KIAA1328: variants seen among roughly 807,000 people sequenced by gnomAD.
KIAA1328 encodes protein hinderin.
Under a neutral mutation model 68.1 loss-of-function variants are expected in KIAA1328, and 52 were observed. That is an observed-to-expected ratio of 0.76 (90% CI 0.61 to 0.96). The LOEUF is 0.96. Among genes scored for constraint, KIAA1328 ranks in the 40% least tolerant of loss-of-function variants. KIAA1328 has a pLI of 0.00. For missense variants in KIAA1328, 641 were observed against 677.6 expected (o/e 0.95, Z 0.60); for synonymous variants, 232 against 239.4 (o/e 0.97, Z 0.28).
chr18:37,105,916 C>CAAAAAAAAAAAAAAAAAAAAAAAA (rs58940699), intron 7 of KIAA1328, among the ~76,000 whole-genome samples: 4 of 19,504 alleles, frequency 2.1e-4, no homozygotes, highest in African/African-American at 4.7e-4. Context: ...GACTCTGTGT[C>CAAAAAAAAAAAAAAAAAAAAAAAA]AAAAAAAAAA....
At chr18:36,838,019 C>T (rs1036013439) in intron 3 of KIAA1328, among the ~76,000 whole-genome samples, 1 of 152,068 alleles carries the variant, frequency 6.6e-6, no homozygotes, top group Non-Finnish European at 1.5e-5. Flanking sequence ...TATTTTGGGT[C>T]CCAGTGTTTC....
chr18:36,946,328 G>GTAT (rs1453656493), intron 5 of KIAA1328: 1 of 152,144 alleles, frequency 6.6e-6, no homozygotes, highest in Non-Finnish European at 1.5e-5. Context: ...GTCCAATAAT[G>GTAT]TATTACATTT....
At chr18:36,887,675 C>T (rs886985038) in intron 5 of KIAA1328, among the ~76,000 whole-genome samples, 1 of 152,060 alleles carries the variant, frequency 6.6e-6, no homozygotes, top group Non-Finnish European at 1.5e-5. Context: ...GCAAAGGAGG[C>T]TAAGAAAGTG....
chr18:37,148,710 C>A (rs535960043), intron 7 of KIAA1328, among the ~76,000 whole-genome samples: 4 of 152,156 alleles, frequency 2.6e-5, no homozygotes, highest in Non-Finnish European at 5.9e-5. Flanking sequence ...TTGCATTTAT[C>A]TAATGATCAG....
At chr18:36,923,532 T>G (rs1488297570) in intron 5 of KIAA1328, among the ~76,000 whole-genome samples, 1 of 152,170 alleles carries the variant, frequency 6.6e-6, no homozygotes, top group Non-Finnish European at 1.5e-5. Flanking sequence ...ACATATAAGC[T>G]TTACAATTTA....
intron 7 of KIAA1328, among the ~76,000 whole-genome samples, chr18:37,079,989 T>A (rs1159839947): frequency 6.6e-6 from 1 of 152,234 alleles, no homozygotes; most frequent in Non-Finnish European, 1.5e-5. Flanking sequence ...AGTTATATTT[T>A]ATTATTTTTA....
intron 6 of KIAA1328, among the ~76,000 whole-genome samples, chr18:37,043,220 A>G (rs913486066): frequency 5.9e-5 from 9 of 152,136 alleles, no homozygotes; most frequent in Non-Finnish European, 1.0e-4. Flanking sequence ...GTTTTTCTTT[A>G]CAAGTCCAAT....
chr18:36,876,151 G>A (rs1490575730), intron 4 of KIAA1328, among the ~76,000 whole-genome samples: 6 of 152,126 alleles, frequency 3.9e-5, no homozygotes, highest in East Asian at 1.9e-4. Flanking sequence ...TCTCTGCCAG[G>A]TTTTGGTATC....
intron 5 of KIAA1328, among the ~76,000 whole-genome samples, chr18:36,951,105 A>G (rs896439679): frequency 1.3e-5 from 2 of 152,094 alleles, no homozygotes; most frequent in African/African-American, 4.8e-5. Flanking sequence ...TTGTTGTTAC[A>G]TTGGCCTCCT....
intron 7 of KIAA1328, among the ~76,000 whole-genome samples, chr18:37,080,306 C>G (rs915287490): frequency 6.6e-6 from 1 of 152,210 alleles, no homozygotes; most frequent in Non-Finnish European, 1.5e-5. Flanking sequence ...ACAATGCAAC[C>G]TTTGGGTTAG....
At chr18:36,911,792 C>T (rs190178819) in intron 5 of KIAA1328, among the ~76,000 whole-genome samples, 5 of 152,254 alleles carry the variant, frequency 3.3e-5, no homozygotes, top group Admixed American at 6.5e-5. Flanking sequence ...GTAACAGCTT[C>T]GACCTTATAC....
rs1556808324 is a variant in KIAA1328 at position 36,883,956 on chromosome 18, A to ATATATATATATATATG, written c.333-1587_333-1586insTGTATATATATATATA. Among the ~76,000 whole-genome samples the ATATATATATATATATG allele has an allele frequency of 5.2e-4, 62 of 119,788 alleles. 2 individuals carry two copies. The highest frequency in any genetic ancestry group is 1.6e-3 in the African/African-American group (59 of 37,262). The allele number at this position is 119,788 out of a possible 152,430, so 78.6% of individuals were successfully genotyped here. ...AATGCTTTCCATATTTATAAAGTAT[A>ATATATATATATATATG]TATATATATATATACACACACAGTG... is the stretch of plus-strand genomic sequence containing the variant. On this transcript the variant is annotated intron_variant, in intron 4 of 9. Coordinates refer to ENST00000280020, the MANE Select transcript of KIAA1328 (RefSeq NM_020776.3).
At chr18:37,009,818 C>T (rs946469349) in intron 6 of KIAA1328, among the ~76,000 whole-genome samples, 1 of 152,006 alleles carries the variant, frequency 6.6e-6, no homozygotes, top group African/African-American at 2.4e-5. Context: ...TGAAATAGCC[C>T]CAGATTTTGT....
rs554071988 is a variant in KIAA1328, at chr18:36,932,958, C to T, written c.449-26350C>T. Reference sequence around the variant, plus strand: ...AGCGGACACAAATACAAAAGGATGACGTTTTTTGAAAGTTAGTGTTCTTTA... The same window carrying T: ...AGCGGACACAAATACAAAAGGATGATGTTTTTTGAAAGTTAGTGTTCTTTA... On this transcript the variant is annotated intron_variant, in intron 5 of 9. Transcript: ENST00000280020. Among the ~76,000 whole-genome samples the T allele has an allele frequency of 3.9e-4, 60 of 152,220 alleles. 1 individual carries two copies. The highest frequency in any genetic ancestry group is 2.8e-3 in the Admixed American group (43 of 15,298).
intron 9 of KIAA1328, among the ~76,000 whole-genome samples, chr18:37,198,661 T>C (rs1196940224): frequency 6.6e-6 from 1 of 152,222 alleles, no homozygotes; most frequent in Non-Finnish European, 1.5e-5. Context: ...AGAAAGTGGT[T>C]GCCCTTATCT....
At chr18:36,923,438 A>T (rs1015777779) in intron 5 of KIAA1328, among the ~76,000 whole-genome samples, 1 of 152,176 alleles carries the variant, frequency 6.6e-6, no homozygotes, top group African/African-American at 2.4e-5. Context: ...GAGAAGACAA[A>T]TTACCAAATT....
intron 9 of KIAA1328, among the ~76,000 whole-genome samples, chr18:37,201,787 C>G (rs115390396): frequency 1.3e-5 from 2 of 152,108 alleles, no homozygotes; most frequent in Non-Finnish European, 2.9e-5. Flanking sequence ...TCTTGAGATT[C>G]CTGGCCTATC....
intron 7 of KIAA1328, among the ~76,000 whole-genome samples, chr18:37,071,056 CCT>C (rs2056509589): frequency 8.8e-6 from 1 of 114,194 alleles, no homozygotes; most frequent in African/African-American, 3.8e-5. Flanking sequence ...TTTTTTTCTT[CCT>C]TTTTTTTTTT....
At chr18:37,117,754 G>A (rs2058154958) in intron 7 of KIAA1328, among the ~76,000 whole-genome samples, 1 of 152,058 alleles carries the variant, frequency 6.6e-6, no homozygotes, top group African/African-American at 2.4e-5. Context: ...GTCCTTGGGT[G>A]ATGCTTACTC....
Sources: allele counts gnomAD v4.1 joint callset (sites outside exome capture counted in the v4.1 genomes callset), GRCh38; gene constraint gnomAD v4.1.1; transcripts MANE v1.5; gene names NCBI Gene and HGNC (gene_info 2026-07-23, HGNC 2026-07-21).